Variants in RNF130 observed in about 807,000 individuals in gnomAD.
RNF130 encodes the protein E3 ubiquitin-protein ligase RNF130.
In RNF130, 21 loss-of-function variants were observed where a neutral mutation model predicts 44.6. The observed-to-expected ratio is 0.47, with a 90% CI of 0.33 to 0.68. The LOEUF (loss-of-function observed/expected upper bound fraction) is 0.68. Among genes scored for constraint, RNF130 ranks in the 30% least tolerant of loss-of-function variants. The pLI is 0.02. For synonymous variants in RNF130, 214 were observed against 210.4 expected (o/e 1.02, Z -0.15); for missense variants, 479 against 560.6 (o/e 0.85, Z 1.47).
At chr5:179,925,610 C>T (rs546501913) in intron 7 of RNF130, among the ~76,000 whole-genome samples, 2 of 152,268 alleles carry the variant, frequency 1.3e-5, no homozygotes, top group East Asian at 3.9e-4. Context: ...CTCACTGCAG[C>T]GTCAACCTCC....
chr5:179,950,434 A>ATC (rs1259178203), downstream of RNF130, among the ~76,000 whole-genome samples: 1 of 152,178 alleles, frequency 6.6e-6, no homozygotes, highest in Non-Finnish European at 1.5e-5. Context: ...CTGCATTTTG[A>ATC]TACTAATCGT....
At chr5:180,019,916 C>A (rs952836706) in intron 2 of RNF130, among the ~76,000 whole-genome samples, 1 of 152,158 alleles carries the variant, frequency 6.6e-6, no homozygotes, top group Non-Finnish European at 1.5e-5. Context: ...ACTCTCGGAC[C>A]CAGTGAAACT....
intron 2 of RNF130, among the ~76,000 whole-genome samples, chr5:180,022,127 C>CT (rs993369095): frequency 1.3e-5 from 2 of 151,988 alleles, no homozygotes. Context: ...CGGCCGAGAG[C>CT]TTTTTTTTAT....
intron 4 of RNF130, among the ~76,000 whole-genome samples, chr5:179,979,834 C>T (rs1049505011): frequency 1.3e-5 from 2 of 152,142 alleles, no homozygotes; most frequent in African/African-American, 4.8e-5. Flanking sequence ...ACAAAAGAGA[C>T]ATAGCAAAGT....
At chr5:180,047,129 A>C (rs1764584430) in intron 1 of RNF130, among the ~76,000 whole-genome samples, 2 of 152,226 alleles carry the variant, frequency 1.3e-5, no homozygotes, top group Admixed American at 1.3e-4. Flanking sequence ...CTCCATTGTC[A>C]GCTATGGTCT....
chr5:179,945,337 C>T (rs1310123029), intron 7 of RNF130, among the ~76,000 whole-genome samples: 2 of 152,158 alleles, frequency 1.3e-5, no homozygotes, highest in Non-Finnish European at 2.9e-5. Flanking sequence ...AGATCAGCTG[C>T]AAAACCTCAG....
At chr5:180,066,546 A>C (rs1170328720) in intron 1 of RNF130, among the ~76,000 whole-genome samples, 1 of 152,228 alleles carries the variant, frequency 6.6e-6, no homozygotes, top group East Asian at 1.9e-4. Flanking sequence ...GATTTGTCTT[A>C]GCCTGGGCAA....
At chr5:179,918,988 A>C (rs1228496256) in exon 8 of RNF130, 1 of 152,224 alleles carries the variant, frequency 6.6e-6, no homozygotes, top group Admixed American at 6.5e-5. Context: ...GGATTCACGC[A>C]TCTGCTTCGT....
intron 7 of RNF130, among the ~76,000 whole-genome samples, chr5:179,943,974 ATT>A (rs1428173573): frequency 3.4e-5 from 5 of 146,012 alleles, no homozygotes; most frequent in African/African-American, 2.5e-5. Flanking sequence ...TTTCTGAGAA[ATT>A]TTTTTTTTTT....
At chr5:179,937,966 G>GAC (rs1561662806) in intron 7 of RNF130, among the ~76,000 whole-genome samples, 7 of 149,830 alleles carry the variant, frequency 4.7e-5, no homozygotes, top group Non-Finnish European at 7.4e-5. Flanking sequence ...GAGAGAGAGA[G>GAC]AGAGACAGAG....
intron 5 of RNF130, among the ~76,000 whole-genome samples, chr5:179,975,573 T>C (rs1487203978): frequency 6.6e-6 from 1 of 152,196 alleles, no homozygotes; most frequent in African/African-American, 2.4e-5. Flanking sequence ...TGGTGTGCTG[T>C]GCTGAGCAGG....
intron 3 of RNF130, among the ~76,000 whole-genome samples, chr5:179,988,870 G>A (rs1179700430): frequency 6.6e-6 from 1 of 152,214 alleles, no homozygotes. Flanking sequence ...ATTTGATACA[G>A]TGTTCTGTAA....
intron 7 of RNF130, among the ~76,000 whole-genome samples, chr5:179,932,130 A>AT (rs1415421289): frequency 1.3e-5 from 2 of 152,228 alleles, no homozygotes; most frequent in Admixed American, 6.5e-5. Context: ...CATTAAAAAA[A>AT]TTTAAAGTTA....
downstream of RNF130, among the ~76,000 whole-genome samples, chr5:179,953,905 C>CA (rs1762163590): frequency 6.6e-6 from 1 of 152,060 alleles, no homozygotes; most frequent in South Asian, 2.1e-4. Context: ...ACTCTTACAA[C>CA]AAAAAACAGT....
intron 7 of RNF130, chr5:179,933,776 C>A: frequency 1.6e-5 from 9 of 557,700 alleles, no homozygotes; most frequent in South Asian, 1.4e-4. Context: ...ACCTAGGCAG[C>A]ATTTTAATTT....
At chr5:180,039,191 A>G (rs1173287212) in intron 2 of RNF130, among the ~76,000 whole-genome samples, 1 of 152,102 alleles carries the variant, frequency 6.6e-6, no homozygotes, top group African/African-American at 2.4e-5. Context: ...GTTTTTGTAC[A>G]ATAAGCATGT....
chr5:179,990,652 G>A (rs1434224938), intron 3 of RNF130, among the ~76,000 whole-genome samples: 53 of 152,164 alleles, frequency 3.5e-4, no homozygotes, highest in Non-Finnish European at 2.9e-5. Flanking sequence ...GACAGCTACC[G>A]CTAGACCATG....
At chr5:180,019,954 TC>T (rs762713103) in intron 2 of RNF130, among the ~76,000 whole-genome samples, 6 of 152,182 alleles carry the variant, frequency 3.9e-5, no homozygotes, top group Admixed American at 6.5e-5. Flanking sequence ...GAATAGTGGT[TC>T]ATGCAATCTG....
At chr5:179,962,609 C>T (rs922843052) in intron 8 of RNF130, among the ~76,000 whole-genome samples, 4 of 152,160 alleles carry the variant, frequency 2.6e-5, no homozygotes, top group South Asian at 4.2e-4. Context: ...AGTAAATGTC[C>T]AAAATTTAGA....
Sources: gnomAD v4.1 joint callset for allele counts (sites outside exome capture counted in the v4.1 genomes callset) on GRCh38, gnomAD v4.1.1 for gene constraint, MANE v1.5 for transcripts, NCBI Gene and HGNC (gene_info 2026-07-23, HGNC 2026-07-21) for gene names.